The following SAMD5 variants were observed in gnomAD, a reference collection of about 807,000 sequenced individuals.
SAMD5 encodes sterile alpha motif domain-containing protein 5.
A neutral mutation model predicts 11.3 loss-of-function variants in SAMD5; 13 were observed. That is an observed-to-expected ratio of 1.15 (90% CI 0.75 to 1.83). The LOEUF (loss-of-function observed/expected upper bound fraction) is 1.83. Ranked by LOEUF, SAMD5 falls within the 40% of genes most tolerant of loss-of-function variation. The probability of loss-of-function intolerance (pLI) is 0.00; values close to 1 mark genes in which losing one functional copy is unlikely to be tolerated. For missense variants in SAMD5, 255 were observed against 239.1 expected, an observed-to-expected ratio of 1.07 and a Z score of -0.44; for synonymous variants, 129 against 111.3, an observed-to-expected ratio of 1.16 and a Z score of -1.00.
At chr6:147,557,521 A>G (rs1788876806) in intron 1 of SAMD5, among the ~76,000 whole-genome samples, 1 of 152,054 alleles carries the variant, frequency 6.6e-6, no homozygotes, top group Admixed American at 6.5e-5. Context: ...TTGTGGCTGC[A>G]CCACTCCACT....
chr6:147,510,836 G>A (rs754138793), intron 1 of SAMD5, among the ~76,000 whole-genome samples: 128 of 152,226 alleles, frequency 8.4e-4, no homozygotes, highest in Non-Finnish European at 1.3e-3. Flanking sequence ...CCCACTCTGT[G>A]CCACTGATGT....
At chr6:147,546,115 C>G (rs1463381163) in intron 1 of SAMD5, among the ~76,000 whole-genome samples, 3 of 152,178 alleles carry the variant, frequency 2.0e-5, no homozygotes, top group African/African-American at 4.8e-5. Context: ...TCCTTAGGGT[C>G]TGTGGAGGCT....
chr6:147,901,855 T>TC, the SAMD5 span, among the ~76,000 whole-genome samples: 2 of 152,190 alleles, frequency 1.3e-5, no homozygotes, highest in Non-Finnish European at 2.9e-5. Flanking sequence ...CCATTAGGAA[T>TC]CCCCTACCAA....
chr6:147,647,806 C>A (rs1408922700), intron 1 of SAMD5, among the ~76,000 whole-genome samples: 1 of 152,170 alleles, frequency 6.6e-6, no homozygotes, highest in Non-Finnish European at 1.5e-5. Flanking sequence ...ACTTGAGAGG[C>A]ATCGCTCACT....
chr6:147,795,018 C>A, the SAMD5 span, among the ~76,000 whole-genome samples: 1,859 of 151,306 alleles, frequency 0.012, 48 homozygotes, highest in African/African-American at 0.042. Flanking sequence ...GTTAATGGGA[C>A]TCATTAAAAA....
At chr6:147,804,994 T>G in the SAMD5 span, among the ~76,000 whole-genome samples, 3 of 152,164 alleles carry the variant, frequency 2.0e-5, no homozygotes, top group Non-Finnish European at 4.4e-5. Flanking sequence ...TTTCCATGAG[T>G]GAACATAGAA....
the SAMD5 span, among the ~76,000 whole-genome samples, chr6:147,907,664 G>T: frequency 6.6e-6 from 1 of 152,146 alleles, no homozygotes; most frequent in Admixed American, 6.5e-5. Context: ...CCACAGGGGT[G>T]GGAGGAATCT....
chr6:147,634,498 T>TG (rs919663343), intron 1 of SAMD5, among the ~76,000 whole-genome samples: 6 of 152,174 alleles, frequency 3.9e-5, no homozygotes, highest in African/African-American at 1.4e-4. Context: ...GAGATTTGGG[T>TG]GGGGAAAAAA....
intron 1 of SAMD5, among the ~76,000 whole-genome samples, chr6:147,717,146 T>C (rs1791479954): frequency 6.6e-6 from 1 of 152,236 alleles, no homozygotes; most frequent in South Asian, 2.1e-4. Context: ...CACCTCTATG[T>C]CCTCATAGCC....
At chr6:147,584,125 C>A (rs576733046) in intron 1 of SAMD5, among the ~76,000 whole-genome samples, 6 of 151,948 alleles carry the variant, frequency 3.9e-5, no homozygotes, top group Non-Finnish European at 8.8e-5. Flanking sequence ...ATTGGTGTGA[C>A]TATAGGCATT....
At chr6:147,591,132 G>A (rs1789447137) in intron 1 of SAMD5, among the ~76,000 whole-genome samples, 1 of 135,258 alleles carries the variant, frequency 7.4e-6, no homozygotes, top group Non-Finnish European at 1.6e-5. Context: ...GTTTCCATAA[G>A]AGCATCAATT....
intron 1 of SAMD5, among the ~76,000 whole-genome samples, chr6:147,701,084 C>T (rs1362974556): frequency 6.6e-6 from 1 of 152,068 alleles, no homozygotes; most frequent in Non-Finnish European, 1.5e-5. Flanking sequence ...CTTCCAGGGC[C>T]TCTGCATGGG....
At chr6:147,909,608 C>CTT in the SAMD5 span, among the ~76,000 whole-genome samples, 4 of 75,874 alleles carry the variant, frequency 5.3e-5, no homozygotes, top group African/African-American at 3.4e-4. Flanking sequence ...TTCTTTCTTT[C>CTT]TTTCTTTCTT....
At chr6:147,884,212 G>GA in the SAMD5 span, among the ~76,000 whole-genome samples, 1 of 152,204 alleles carries the variant, frequency 6.6e-6, no homozygotes, top group African/African-American at 2.4e-5. Flanking sequence ...TTGGCAAAGA[G>GA]AACTGATAGG....
chr6:147,642,374 TCA>T (rs149602582), intron 1 of SAMD5, among the ~76,000 whole-genome samples: 5,919 of 152,310 alleles, frequency 0.039, 206 homozygotes, highest in African/African-American at 0.092. Context: ...TCTCTCAGCC[TCA>T]GTTTCCTCAT....
At chr6:147,799,566 G>C in the SAMD5 span, among the ~76,000 whole-genome samples, 1 of 151,520 alleles carries the variant, frequency 6.6e-6, no homozygotes, top group African/African-American at 2.4e-5. Context: ...CTCTTCTCGA[G>C]GAGTATCTTT....
the SAMD5 span, among the ~76,000 whole-genome samples, chr6:147,794,208 T>C: frequency 6.6e-6 from 1 of 152,184 alleles, no homozygotes; most frequent in African/African-American, 2.4e-5. Context: ...TTGATAAATA[T>C]CACACTATAC....
intron 1 of SAMD5, among the ~76,000 whole-genome samples, chr6:147,643,196 T>C (rs1790339878): frequency 6.6e-6 from 1 of 152,230 alleles, no homozygotes; most frequent in African/African-American, 2.4e-5. Context: ...ATTCCGTATA[T>C]TAATGCTTCT....
intron 1 of SAMD5, among the ~76,000 whole-genome samples, chr6:147,702,068 T>C (rs1791260676): frequency 6.6e-6 from 1 of 152,196 alleles, no homozygotes; most frequent in Non-Finnish European, 1.5e-5. Context: ...TGGACTCACA[T>C]TTCCACATGG....
Sources: gnomAD v4.1 joint callset for allele counts (sites outside exome capture counted in the v4.1 genomes callset) on GRCh38, gnomAD v4.1.1 for gene constraint, MANE v1.5 for transcripts, NCBI Gene and HGNC (gene_info 2026-07-23, HGNC 2026-07-21) for gene names.